Variants in OTOG observed in about 807,000 individuals in gnomAD.
The protein encoded by OTOG is otogelin.
OTOG carries 296 observed loss-of-function variants against 313.8 expected under a neutral mutation model. The ratio of observed to expected loss-of-function variants is 0.94; its 90% CI spans 0.86 to 1.04. OTOG has a LOEUF of 1.04. Ranked by LOEUF, OTOG falls within the 50% of genes least tolerant of loss-of-function variation. The pLI is 0.00. For synonymous variants in OTOG, 1,533 were observed against 1,554.9 expected, an observed-to-expected ratio of 0.99 and a Z score of 0.33; for missense variants, 3,948 against 3,840.1, an observed-to-expected ratio of 1.03 and a Z score of -0.74.
chr11:17,584,896 A>G (rs1341615708), intron 23 of OTOG, among the ~76,000 whole-genome samples: 2 of 152,214 alleles, frequency 1.3e-5, no homozygotes. Context: ...TGCAAATTAC[A>G]TTGGTTGATT....
At chr11:17,571,271 T>C (rs574068185) in intron 17 of OTOG, among the ~76,000 whole-genome samples, 3 of 152,326 alleles carry the variant, frequency 2.0e-5, no homozygotes, top group East Asian at 3.9e-4. Flanking sequence ...CTTGGTTTAG[T>C]GTGTAAGCTG....
At chr11:17,563,172 G>T (rs1852225112) in intron 15 of OTOG, among the ~76,000 whole-genome samples, 1 of 152,236 alleles carries the variant, frequency 6.6e-6, no homozygotes, top group Non-Finnish European at 1.5e-5. Flanking sequence ...ATGGGGGTTT[G>T]TTTGTCTCTC....
chr11:17,606,125 C>A lies in OTOG; in HGVS notation c.4146C>A (p.Phe1382Leu). The A allele has an allele frequency of 6.5e-7, 1 of 1,535,748 alleles. No homozygotes were observed. Among genetic ancestry groups the A allele is most frequent in the Non-Finnish European group, 8.8e-7 (1 of 1,137,646 alleles). Residue 1382 changes from phenylalanine to leucine, a missense_variant, in exon 33 of 56, where the codon TTC becomes TTA. Phe to Leu is a conservative substitution (Grantham distance 22). Coordinates refer to ENST00000399397, the MANE Select transcript of OTOG (RefSeq NM_001292063.2). The part of the protein sequence containing the change: ...HTEVFRRGTL[F>L]RLLDAKPSGA... ...AGGTGTTCCGCCGGGGCACACTCTT[C>A]CGCCTTCTGGGTAGGCGACCCCCTG... is the stretch of plus-strand genomic sequence containing the variant.
chr11:17,568,114 A>G (rs573245806), intron 15 of OTOG, among the ~76,000 whole-genome samples: 14 of 116,406 alleles, frequency 1.2e-4, no homozygotes, highest in Non-Finnish European at 2.2e-4. Flanking sequence ...TCACCGTGTC[A>G]GCCAGGATGG....
In OTOG at chr11:17,633,411, G is replaced by C. The variant is rs533489206; in HGVS notation, c.7073-269G>C. On this transcript the variant is annotated intron_variant, in intron 42 of 55. Transcript: ENST00000399397. ...TTTGGTACAAAAACAGCCTGAGACA[G>C]AATATAAATGAACAGGCATGGCTGT... 2.6e-5 allele frequency among the ~76,000 whole-genome samples: 4 copies of C among 152,344 alleles called. No individual in the cohort carries two copies. In the South Asian group the frequency reaches 8.3e-4, roughly 32 times the overall value.
At chr11:17,597,046 A>T in intron 30 of OTOG, 39 bp downstream of exon 30, 1 of 1,544,410 alleles carries the variant, frequency 6.5e-7, no homozygotes, top group Non-Finnish European at 8.7e-7. Flanking sequence ...GACAGAGTAG[A>T]GTGTCACCTG....
intron 39 of OTOG, among the ~76,000 whole-genome samples, chr11:17,621,383 TG>T (rs1853860244): frequency 6.6e-6 from 1 of 152,136 alleles, no homozygotes; most frequent in Non-Finnish European, 1.5e-5. Flanking sequence ...AACACCCTTC[TG>T]CATACCCTAC....
Position 17,609,760 on chromosome 11 carries a change from A to G in OTOG, c.4460A>G (p.Gln1487Arg). Reference sequence around the variant, plus strand: ...AGTGATGAGGAGCCACAGCTGTCACAGGAAAGCCCCAGGACCCCCACCCAC... The same window carrying G: ...AGTGATGAGGAGCCACAGCTGTCACGGGAAAGCCCCAGGACCCCCACCCAC... Reference protein sequence around the residue: ...TPSDEEPQLSQESPRTPTHRP... With the variant: ...TPSDEEPQLSRESPRTPTHRP... The change falls in exon 36 of 56, where the codon CAG becomes CGG. Residue 1487 changes from glutamine to arginine, a missense_variant. Coordinates refer to ENST00000399397, the MANE Select transcript of OTOG (RefSeq NM_001292063.2). The G allele has an allele frequency of 6.5e-7, 1 of 1,548,946 alleles. No homozygotes were observed. The highest frequency in any genetic ancestry group is 1.2e-5 in the South Asian group (1 of 83,688).
At chr11:17,618,750 C>G (rs1177442056) in intron 39 of OTOG, among the ~76,000 whole-genome samples, 8 of 152,152 alleles carry the variant, frequency 5.3e-5, no homozygotes, top group Non-Finnish European at 2.9e-5. Flanking sequence ...GCATAACATG[C>G]AGGATTGTTA....
At position 17,613,637 on chromosome 11, in the gene OTOG, G is replaced by C; in HGVS notation, c.6464G>C (p.Cys2155Ser). 1 of 1,550,786 alleles carries C rather than the reference G, an allele frequency of 6.4e-7. No individual in the cohort carries two copies. Among genetic ancestry groups the C allele is most frequent in the East Asian group, 2.4e-5 (1 of 40,890 alleles). Residue 2155 changes from cysteine (C) to serine (S), a missense_variant, in exon 39 of 56, where the codon TGT becomes TCT. Transcript: ENST00000399397. ...NLGHLNWPPF[C>S]LVMLNMTHLA... ...GGGCACCTGAACTGGCCCCCGTTCTGTCTGGTGATGTTGAACATGACTCAC... is the reference window on the plus strand; with the variant it reads ...GGGCACCTGAACTGGCCCCCGTTCTCTCTGGTGATGTTGAACATGACTCAC...
chr11:17,619,285 A>G (rs1194915695), intron 39 of OTOG, among the ~76,000 whole-genome samples: 1 of 152,122 alleles, frequency 6.6e-6, no homozygotes, highest in Non-Finnish European at 1.5e-5. Flanking sequence ...AAACAAACAA[A>G]CAAATAAAAG....
In OTOG at chr11:17,609,164, C is replaced by A. The variant is rs1853463147; in HGVS notation, c.4309C>A (p.Gln1437Lys). The change falls in exon 35 of 56, where the codon CAG (glutamine) becomes AAG (lysine). Residue 1437 changes from glutamine (Q) to lysine (K), a missense_variant. Physicochemically the swap from Gln to Lys is moderately conservative, Grantham distance 53. Coordinates refer to ENST00000399397, the MANE Select transcript of OTOG (RefSeq NM_001292063.2). ...CTGTGTCCCTGTGTGCCCCACCCCCCAGGTCCTGGATGAAGTCACACAGAG... is the reference window on the plus strand; with the variant it reads ...CTGTGTCCCTGTGTGCCCCACCCCCAAGGTCCTGGATGAAGTCACACAGAG... ...EGCVPVCPTP[Q>K]VLDEVTQRCV... The A allele has an allele frequency of 1.3e-6, 2 of 1,550,448 alleles. No homozygotes were observed. The highest frequency in any genetic ancestry group is 2.0e-5 in the Admixed American group (1 of 50,966).
At chr11:17,615,218 A>G (rs1280864649) in intron 39 of OTOG, among the ~76,000 whole-genome samples, 1 of 152,182 alleles carries the variant, frequency 6.6e-6, no homozygotes, top group Non-Finnish European at 1.5e-5. Flanking sequence ...ATGTTGTTCT[A>G]TTGAGTTTTG....
rs201963805 is a variant in OTOG, at chr11:17,552,164, C to T, written c.292+89C>T. 3.4e-5 allele frequency: 44 copies of T among 1,294,024 alleles called. No homozygotes were observed. In the East Asian group the frequency reaches 9.4e-4, roughly 28 times the overall value. The allele number at this position is 1,294,024 out of a possible 1,614,324, so 80.2% of individuals were successfully genotyped here. A position where few individuals can be genotyped will look rare whatever the true frequency, so the allele number is the denominator to read the frequency against. On this transcript the variant is annotated intron_variant, in intron 4 of 55. Coordinates refer to ENST00000399397, the MANE Select transcript of OTOG (RefSeq NM_001292063.2). ...AGGGCAGAGGGCAGGTGGGGCTTCC[C>T]TCAGGCCTCCATGACCCCTTTTTCC...
intron 39 of OTOG, among the ~76,000 whole-genome samples, chr11:17,622,273 G>A (rs1032028139): frequency 2.0e-5 from 3 of 151,920 alleles, no homozygotes; most frequent in African/African-American, 7.3e-5. Context: ...TATATTTGTG[G>A]GGTACATAAG....
chr11:17,555,766 A>G lies in OTOG; in HGVS notation c.541-13A>G. The G allele has an allele frequency of 6.5e-7, 1 of 1,548,156 alleles. No individual in the cohort carries two copies. Among genetic ancestry groups the G allele is most frequent in the Non-Finnish European group, 8.7e-7 (1 of 1,145,684 alleles). ...CAGGAGCCTGCAAACCAGCCTCTGA[A>G]CTCCCTACTCAGGTACACAATGACC... is the stretch of plus-strand genomic sequence containing the variant. On this transcript the variant is annotated splice_polypyrimidine_tract_variant and intron_variant, in intron 6 of 55. Coordinates refer to ENST00000399397, the MANE Select transcript of OTOG (RefSeq NM_001292063.2).
intron 31 of OTOG, among the ~76,000 whole-genome samples, chr11:17,601,690 T>C (rs1853256294): frequency 6.6e-6 from 1 of 152,000 alleles, no homozygotes; most frequent in African/African-American, 2.4e-5. Context: ...TACAAGGTGA[T>C]TGTCCAGGAA....
chr11:17,621,595 GCTCT>G (rs149883551), intron 39 of OTOG, among the ~76,000 whole-genome samples: 10 of 148,766 alleles, frequency 6.7e-5, no homozygotes, highest in Non-Finnish European at 9.0e-5. Flanking sequence ...AAGCTTCAGA[GCTCT>G]CTCTCTCTCT....
At chr11:17,588,068 A>T (rs965373100) in intron 24 of OTOG, among the ~76,000 whole-genome samples, 1 of 152,192 alleles carries the variant, frequency 6.6e-6, no homozygotes, top group African/African-American at 2.4e-5. Context: ...AAGGCCGAAG[A>T]GCTGGGATTA....
Sources: gnomAD v4.1 joint callset for allele counts (sites outside exome capture counted in the v4.1 genomes callset) on GRCh38, gnomAD v4.1.1 for gene constraint, MANE v1.5 for transcripts, NCBI Gene and HGNC (gene_info 2026-07-23, HGNC 2026-07-21) for gene names.